The following ADAMTS6 variants were observed in gnomAD, a reference collection of about 807,000 sequenced individuals.
The protein encoded by ADAMTS6 is A disintegrin and metalloproteinase with thrombospondin motifs 6.
A neutral mutation model predicts 144.3 loss-of-function variants in ADAMTS6; 23 were observed. The ratio of observed to expected loss-of-function variants is 0.16; its 90% CI spans 0.11 to 0.23. The LOEUF (loss-of-function observed/expected upper bound fraction) is 0.23, where lower values mean the gene tolerates loss of function less well. ADAMTS6 is among the 10% of genes least tolerant of loss of function. The pLI is 1.00. For missense variants in ADAMTS6, 999 were observed against 1,379.6 expected, an observed-to-expected ratio of 0.72 and a Z score of 4.37; for synonymous variants, 444 against 457.5, an observed-to-expected ratio of 0.97 and a Z score of 0.38.
At chr5:65,363,712 T>C (rs946066815) in intron 7 of ADAMTS6, among the ~76,000 whole-genome samples, 1 of 152,220 alleles carries the variant, frequency 6.6e-6, no homozygotes, top group Non-Finnish European at 1.5e-5. Flanking sequence ...AGTGGACTTC[T>C]AGGCTGTGTA....
At chr5:65,382,098 G>A (rs1004415416) in intron 7 of ADAMTS6, among the ~76,000 whole-genome samples, 5 of 152,186 alleles carry the variant, frequency 3.3e-5, no homozygotes, top group Non-Finnish European at 5.9e-5. Context: ...CACACAATTT[G>A]AGGTTAACTC....
intron 7 of ADAMTS6, among the ~76,000 whole-genome samples, chr5:65,341,213 TAA>T (rs1747788859): frequency 6.6e-6 from 1 of 151,444 alleles, no homozygotes; most frequent in Middle Eastern, 3.2e-3. Context: ...AAAAGCAATA[TAA>T]GAGGAAAGCT....
intron 9 of ADAMTS6, among the ~76,000 whole-genome samples, chr5:65,317,196 C>A (rs1245517234): frequency 6.6e-6 from 1 of 152,154 alleles, no homozygotes; most frequent in African/African-American, 2.4e-5. Context: ...GTAGACAAAT[C>A]TACATATGCA....
At chr5:65,429,170 C>CAGAG in intron 7 of ADAMTS6, among the ~76,000 whole-genome samples, 1 of 152,266 alleles carries the variant, frequency 6.6e-6, no homozygotes, top group Non-Finnish European at 1.5e-5. Context: ...ACCCTTCTTC[C>CAGAG]AGAGGGTCCT....
In ADAMTS6 at chr5:65,224,362, G is replaced by T; in HGVS notation, c.2230C>A (p.His744Asn). 1 of 1,614,068 alleles carries T rather than the reference G, an allele frequency of 6.2e-7. No homozygotes were observed. The highest frequency in any genetic ancestry group is 8.5e-7 in the Non-Finnish European group (1 of 1,180,014). Residue 744 changes from histidine (H) to asparagine (N), a missense_variant, in exon 18 of 25, where the codon CAC (histidine) becomes AAC (asparagine). This residue lies in a region of ADAMTS6 where 619 missense variants were observed against 837.0 expected (regional missense o/e 0.74). Transcript: ENST00000381055. ...EVVQIPRGSV[H>N]IEVREVAMSK... ...ATGGCAACTTCTCTAACTTCAATGT[G>T]AACAGAGCCTCTTGGTATCTGCACC...
intron 7 of ADAMTS6, among the ~76,000 whole-genome samples, chr5:65,392,167 C>T (rs1224780525): frequency 6.6e-6 from 1 of 152,074 alleles, no homozygotes; most frequent in Non-Finnish European, 1.5e-5. Context: ...GGAGAAATAC[C>T]AGATCTATCT....
chr5:65,443,410 C>G (rs187058475), intron 7 of ADAMTS6, among the ~76,000 whole-genome samples: 2 of 151,888 alleles, frequency 1.3e-5, no homozygotes, highest in East Asian at 3.9e-4. Flanking sequence ...CACTTGAGCC[C>G]AAGAGTTTGA....
chr5:65,245,346 A>G (rs1424845170), intron 14 of ADAMTS6, among the ~76,000 whole-genome samples: 5 of 152,142 alleles, frequency 3.3e-5, no homozygotes, highest in African/African-American at 1.2e-4. Context: ...CTTGGGCAGC[A>G]ACTCAGGCAG....
chr5:65,449,753 C>A (rs889060859), intron 7 of ADAMTS6, among the ~76,000 whole-genome samples: 2 of 152,056 alleles, frequency 1.3e-5, no homozygotes, highest in Non-Finnish European at 2.9e-5. Context: ...AATATCAAGG[C>A]GAATTCAGAA....
At chr5:65,297,365 C>T in intron 10 of ADAMTS6, 1 of 393,034 alleles carries the variant, frequency 2.5e-6, no homozygotes, top group South Asian at 2.0e-5. Flanking sequence ...TTCAGTTGAA[C>T]ATAGTGAATT....
chr5:65,415,933 T>A, intron 7 of ADAMTS6: 1 of 182,106 alleles, frequency 5.5e-6, no homozygotes, highest in Admixed American at 6.2e-5. Flanking sequence ...CTCATCCCTG[T>A]GCCCAGGGGC....
intron 14 of ADAMTS6, among the ~76,000 whole-genome samples, chr5:65,257,239 C>G (rs2112573845): frequency 6.6e-6 from 1 of 152,152 alleles, no homozygotes; most frequent in Non-Finnish European, 1.5e-5. Context: ...GTCCCCCTCT[C>G]AAGACTTAAG....
chr5:65,411,004 A>AT (rs1392609425), intron 7 of ADAMTS6, among the ~76,000 whole-genome samples: 3 of 151,808 alleles, frequency 2.0e-5, no homozygotes, highest in African/African-American at 7.3e-5. Flanking sequence ...CGCTCAGCTA[A>AT]TTTTTTGCAT....
intron 18 of ADAMTS6, among the ~76,000 whole-genome samples, chr5:65,219,403 A>G (rs1757153232): frequency 6.6e-6 from 1 of 152,188 alleles, no homozygotes; most frequent in South Asian, 2.1e-4. Context: ...AATGATTGTT[A>G]GACATTATAA....
chr5:65,324,272 C>T (rs1379452024), intron 9 of ADAMTS6, among the ~76,000 whole-genome samples: 2 of 152,028 alleles, frequency 1.3e-5, no homozygotes, highest in African/African-American at 4.8e-5. Flanking sequence ...CAACCTATAC[C>T]TCCTACTATA....
Position 65,207,575 on chromosome 5 carries a change from T to C in ADAMTS6, c.2575+7219A>G, listed in dbSNP as rs564409080. On this transcript the variant is annotated intron_variant, in intron 20 of 24. Coordinates refer to ENST00000381055, the MANE Select transcript of ADAMTS6 (RefSeq NM_197941.4). ...GGAGGGGATGGGAGTGAAATGAGAA[T>C]GGTATGAACAGAGGGAAATGAGAAC... Among the ~76,000 whole-genome samples, 3 of 152,284 alleles carry C rather than the reference T, an allele frequency of 2.0e-5. No individual in the cohort carries two copies. In the South Asian group the frequency reaches 6.2e-4, roughly 32 times the overall value.
chr5:65,321,233 A>G (rs572709016), intron 9 of ADAMTS6, among the ~76,000 whole-genome samples: 2 of 152,326 alleles, frequency 1.3e-5, no homozygotes, highest in African/African-American at 4.8e-5. Context: ...CTTTTTAACA[A>G]TAGCCATTCT....
At chr5:65,252,171 A>C (rs749648110) in intron 14 of ADAMTS6, among the ~76,000 whole-genome samples, 5 of 152,128 alleles carry the variant, frequency 3.3e-5, no homozygotes, top group Non-Finnish European at 7.4e-5. Context: ...TCAAAGCTTC[A>C]AAATAATAAA....
intron 7 of ADAMTS6, among the ~76,000 whole-genome samples, chr5:65,386,721 G>A (rs1752503108): frequency 6.6e-6 from 1 of 152,046 alleles, no homozygotes; most frequent in Admixed American, 6.6e-5. Flanking sequence ...AAGAGTAGCT[G>A]GAATTATAGG....
Sources: allele counts gnomAD v4.1 joint callset (sites outside exome capture counted in the v4.1 genomes callset), GRCh38; gene constraint gnomAD v4.1.1; regional missense constraint gnomAD v4.1.1; transcripts MANE v1.5; gene names NCBI Gene and HGNC (gene_info 2026-07-23, HGNC 2026-07-21).